Variants in CCNK observed in about 807,000 individuals in gnomAD.
CCNK encodes cyclin-K.
In CCNK, 9 loss-of-function variants were observed where a neutral mutation model predicts 65.0. That is an observed-to-expected ratio of 0.14 (90% confidence interval 0.08 to 0.24). CCNK has a LOEUF of 0.24. Ranked by LOEUF, CCNK falls within the 10% of genes least tolerant of loss-of-function variation. The pLI, the probability that CCNK is intolerant of heterozygous loss-of-function variation, is 1.00. For synonymous variants in CCNK, 279 were observed against 270.8 expected (o/e 1.03, Z -0.30); for missense variants, 474 against 720.0 (o/e 0.66, Z 3.91).
chr14:99,496,829 C>G (rs1365613746), intron 4 of CCNK, among the ~76,000 whole-genome samples: 1 of 151,236 alleles, frequency 6.6e-6, no homozygotes, highest in Non-Finnish European at 1.5e-5. Context: ...AGGAGAATTG[C>G]TTAAGCCTGG....
intron 10 of CCNK, chr14:99,509,845 A>C: frequency 9.3e-6 from 4 of 430,640 alleles, no homozygotes; most frequent in African/African-American, 2.0e-5. Context: ...GTTTTGCACT[A>C]GGAAGAGGGG....
intron 4 of CCNK, among the ~76,000 whole-genome samples, chr14:99,496,339 G>A (rs1169068436): frequency 6.6e-6 from 1 of 152,078 alleles, no homozygotes; most frequent in African/African-American, 2.4e-5. Context: ...AATACTTTAG[G>A]CCAAGCCGGG....
rs969138173 is a variant in CCNK, at chr14:99,483,187, C to T, written c.-53+1708C>T. ...CTGTTTTAGAATCTTGTTGGAAGAGCCAACAAGTTTATGAGTACTTGGGAA... is the reference window on the plus strand; with the variant it reads ...CTGTTTTAGAATCTTGTTGGAAGAGTCAACAAGTTTATGAGTACTTGGGAA... On this transcript the variant is annotated intron_variant, in intron 1 of 10. Transcript: ENST00000389879. Among the ~76,000 whole-genome samples the T allele has an allele frequency of 1.4e-4, 21 of 151,994 alleles. 1 individual carries two copies. Among genetic ancestry groups the T allele is most frequent in the Non-Finnish European group, 4.4e-5 (3 of 68,016 alleles).
In CCNK at chr14:99,510,570, C is replaced by A; in HGVS notation, c.1531C>A (p.Pro511Thr). 3.9e-6 allele frequency: 2 copies of A among 511,686 alleles called. 1 individual carries two copies. The highest frequency in any genetic ancestry group is 3.8e-5 in the South Asian group (2 of 52,872). 31.7% of individuals were successfully genotyped at this position (511,686 alleles called of 1,614,324 possible). A position where few individuals can be genotyped will look rare whatever the true frequency, so the allele number is the denominator to read the frequency against. ...PPTPGYPPPPPTYNPNFPPPP... is the reference protein window; with the variant it reads ...PPTPGYPPPPTTYNPNFPPPP... ...TACTCCTGGCTACCCCCCACCCCCA[C>A]CCACCTACAACCCCAACTTCCCACC... Residue 511 changes from proline to threonine, a missense_variant, in exon 11 of 11, where the codon CCC becomes ACC. By Grantham distance (38) the Pro-to-Thr change is conservative (BLOSUM62 -1). This residue lies in a region of CCNK where 38 missense variants were observed against 19.2 expected (regional missense o/e 1.98). Transcript: ENST00000389879.
At chr14:99,487,071 A>G (rs1896504086) in intron 1 of CCNK, among the ~76,000 whole-genome samples, 1 of 152,224 alleles carries the variant, frequency 6.6e-6, no homozygotes, top group Admixed American at 6.5e-5. Context: ...TGTTAGGCGT[A>G]TGTATATTAA....
intron 7 of CCNK, 91 bp from the exon 8 acceptor site, chr14:99,502,628 T>G (rs1277142969): frequency 1.2e-5 from 16 of 1,300,374 alleles, no homozygotes; most frequent in Non-Finnish European, 1.5e-5. Flanking sequence ...GCTTAGGTCC[T>G]CGTAGGGGTA....
At chr14:99,493,625 T>G in intron 3 of CCNK, 30 bp downstream of exon 3, 6 of 1,391,486 alleles carry the variant, frequency 4.3e-6, no homozygotes, top group Non-Finnish European at 6.1e-6. Flanking sequence ...TGTAATTCTC[T>G]GTCATATGTT....
intron 7 of CCNK, 103 bp downstream of exon 7, chr14:99,502,479 G>A: frequency 6.8e-7 from 1 of 1,461,554 alleles, no homozygotes; most frequent in Middle Eastern, 2.0e-4. Context: ...ATAGACATAT[G>A]TGAGCAATAT....
chr14:99,484,885 T>C (rs1264909559), intron 1 of CCNK, among the ~76,000 whole-genome samples: 2 of 152,240 alleles, frequency 1.3e-5, no homozygotes, highest in Non-Finnish European at 2.9e-5. Context: ...TAAAATGATA[T>C]TTATGAAGCA....
At chr14:99,500,667 C>T (rs1381416080) in intron 4 of CCNK, 99 bp from the exon 5 acceptor site, 1 of 806,514 alleles carries the variant, frequency 1.2e-6, no homozygotes, top group Non-Finnish European at 2.1e-6. Flanking sequence ...TAAAATATAA[C>T]TTGAAGAGAG....
intron 2 of CCNK, 94 bp downstream of exon 2, chr14:99,492,968 C>T: frequency 9.6e-7 from 1 of 1,045,526 alleles, no homozygotes. Context: ...ATAGTAATTT[C>T]TCTGTACCAG....
chr14:99,511,531 T>C lies in CCNK; in HGVS notation c.*749T>C, dbSNP rs917189115. 1 of 152,688 alleles carries C rather than the reference T, an allele frequency of 6.5e-6. No homozygotes were observed. 9.5% of individuals were successfully genotyped at this position (152,688 alleles called of 1,614,324 possible). ...TCTGAAACTATCCCTTTCTTTGTTATGGGTGGAAGGTGGGGCTCCAGGCCT... is the reference window on the plus strand; with the variant it reads ...TCTGAAACTATCCCTTTCTTTGTTACGGGTGGAAGGTGGGGCTCCAGGCCT... On this transcript the variant is annotated 3_prime_UTR_variant, in exon 11 of 11. Transcript: ENST00000389879.
chr14:99,498,817 G>A (rs772069781), intron 4 of CCNK, among the ~76,000 whole-genome samples: 1 of 152,154 alleles, frequency 6.6e-6, no homozygotes, highest in African/African-American at 2.4e-5. Context: ...GAGGGAAGGC[G>A]TTCCTGAGGA....
intron 10 of CCNK, chr14:99,507,366 CAGG>C (rs1897001557): frequency 3.7e-6 from 2 of 543,824 alleles, no homozygotes; most frequent in South Asian, 4.1e-5. Context: ...CACCTGACCC[CAGG>C]AGTTCGAGGT....
intron 9 of CCNK, 45 bp from the exon 10 acceptor site, chr14:99,507,031 T>C (rs1015524527): frequency 9.0e-7 from 1 of 1,105,398 alleles, no homozygotes; most frequent in African/African-American, 1.5e-5. Flanking sequence ...TGCTTATTCA[T>C]GTGAAGAAGT....
At position 99,511,025 on chromosome 14, in the gene CCNK, A is replaced by G. The variant is rs3918128; in HGVS notation, c.*243A>G. The G allele has an allele frequency of 2.7e-3, 942 of 352,078 alleles. 4 individuals carry two copies. The highest frequency in any genetic ancestry group is 4.0e-3 in the Non-Finnish European group (794 of 197,006). The allele number at this position is 352,078 out of a possible 1,614,324, so 21.8% of individuals were successfully genotyped here. A position where few individuals can be genotyped will look rare whatever the true frequency, so the allele number is the denominator to read the frequency against. ...CTGACTGTGTACACTTGGTTCAGCT[A>G]ATGTCTGAGAGTCCTGCACTGGGTT... On this transcript the variant is annotated 3_prime_UTR_variant, in exon 11 of 11. Transcript: ENST00000389879.
At chr14:99,505,256 A>G (rs1473234775) in intron 9 of CCNK, 1 of 152,302 alleles carries the variant, frequency 6.6e-6, no homozygotes, top group Non-Finnish European at 1.5e-5. Flanking sequence ...TGGCCTCAGC[A>G]TGCTGGCTGC....
At chr14:99,483,785 G>A (rs1437563164) in intron 1 of CCNK, among the ~76,000 whole-genome samples, 1 of 152,248 alleles carries the variant, frequency 6.6e-6, no homozygotes, top group Non-Finnish European at 1.5e-5. Context: ...ATGAGTTGAT[G>A]TAAGCCTGGG....
chr14:99,499,290 G>A lies in CCNK; in HGVS notation c.412-1476G>A, dbSNP rs3918081. 8.4e-3 allele frequency among the ~76,000 whole-genome samples: 1,277 copies of A among 152,194 alleles called. 15 individuals are homozygous for A. The highest frequency in any genetic ancestry group is 0.029 in the African/African-American group (1,193 of 41,516). ...TGACCTCAAGTGATCTGCCCGCCTC[G>A]GCCTCCCAAAGTGCTGGGATTACAG... On this transcript the variant is annotated intron_variant, in intron 4 of 10. Coordinates refer to ENST00000389879, the MANE Select transcript of CCNK (RefSeq NM_001099402.2).
Sources: allele counts gnomAD v4.1 joint callset (sites outside exome capture counted in the v4.1 genomes callset), GRCh38; gene constraint gnomAD v4.1.1; regional missense constraint gnomAD v4.1.1; transcripts MANE v1.5; gene names NCBI Gene and HGNC (gene_info 2026-07-23, HGNC 2026-07-21).